Variants in NRG1 observed in about 807,000 individuals in gnomAD.
NRG1 encodes the protein neuregulin 1.
NRG1 carries 18 observed loss-of-function variants against 63.8 expected under a neutral mutation model. The ratio of observed to expected loss-of-function variants is 0.28; its 90% confidence interval spans 0.19 to 0.42. The LOEUF is 0.42. NRG1 is among the 10% of genes least tolerant of loss of function. The pLI, the probability that NRG1 is intolerant of heterozygous loss-of-function variation, is 1.00. For synonymous variants in NRG1, 302 were observed against 301.3 expected (o/e 1.00, Z -0.02); for missense variants, 762 against 814.7 (o/e 0.94, Z 0.79).
At chr8:31,873,069 A>G (rs1359499402) in intron 1 of NRG1, among the ~76,000 whole-genome samples, 1 of 152,110 alleles carries the variant, frequency 6.6e-6, no homozygotes, top group Non-Finnish European at 1.5e-5. Flanking sequence ...CTTCTTATTA[A>G]TCCTAAGGCC....
At chr8:32,280,700 T>G (rs866246319) in intron 1 of NRG1, among the ~76,000 whole-genome samples, 2,139 of 133,514 alleles carry the variant, frequency 0.016, 65 homozygotes, top group African/African-American at 0.054. Flanking sequence ...TGTTTTTTTT[T>G]TTTTTTTTTT....
intron 1 of NRG1, among the ~76,000 whole-genome samples, chr8:32,358,042 AGTATACAT>A (rs1806689466): frequency 6.6e-6 from 1 of 152,168 alleles, no homozygotes; most frequent in Non-Finnish European, 1.5e-5. Context: ...ATAAGATATA[AGTATACAT>A]GTTTGGTGAG....
intron 1 of NRG1, among the ~76,000 whole-genome samples, chr8:32,388,654 G>A (rs929534870): frequency 7.7e-5 from 2 of 25,836 alleles, no homozygotes; most frequent in Non-Finnish European, 3.0e-4. Context: ...ATTACAAGAC[G>A]GTTTTTTTTT....
intron 1 of NRG1, among the ~76,000 whole-genome samples, chr8:32,108,107 G>A (rs956399722): frequency 5.9e-5 from 9 of 152,022 alleles, no homozygotes; most frequent in African/African-American, 2.2e-4. Flanking sequence ...GAAAAAACTT[G>A]GAATTTGGTA....
intron 1 of NRG1, among the ~76,000 whole-genome samples, chr8:31,849,389 C>T (rs1044254701): frequency 5.9e-5 from 9 of 152,166 alleles, no homozygotes; most frequent in African/African-American, 9.7e-5. Flanking sequence ...GTCAAGATAT[C>T]GTGAGCACTA....
intron 1 of NRG1, among the ~76,000 whole-genome samples, chr8:32,173,576 GTGC>G (rs1840331060): frequency 6.6e-6 from 1 of 152,062 alleles, no homozygotes; most frequent in South Asian, 2.1e-4. Flanking sequence ...ACCCATCAGT[GTGC>G]TGTATTCAGG....
intron 1 of NRG1, among the ~76,000 whole-genome samples, chr8:31,807,361 T>C (rs961943283): frequency 6.6e-6 from 1 of 152,182 alleles, no homozygotes; most frequent in Admixed American, 6.5e-5. Flanking sequence ...TTTTATTGTA[T>C]GTCTTCTCTA....
rs149453806 is a variant in NRG1 at position 32,625,535 on chromosome 8, A to G, written c.502+8650A>G. Among the ~76,000 whole-genome samples the G allele has an allele frequency of 7.0e-3, 1,066 of 152,336 alleles. 13 individuals are homozygous for G. Among genetic ancestry groups the G allele is most frequent in the African/African-American group, 0.024 (994 of 41,574 alleles). On this transcript the variant is annotated intron_variant, in intron 5 of 11. Transcript: ENST00000356819. ...AGAGAGAGAATGCCTGGCTTTGTGA[A>G]ATGTTGCAGAAATTTGTATTTGTAA...
At chr8:32,447,259 G>A (rs996000092) in intron 1 of NRG1, among the ~76,000 whole-genome samples, 4 of 151,558 alleles carry the variant, frequency 2.6e-5, no homozygotes, top group East Asian at 1.9e-4. Flanking sequence ...TCCTGACCTC[G>A]TGATCCACCT....
chr8:32,621,621 A>G (rs754614738), intron 5 of NRG1, among the ~76,000 whole-genome samples: 2 of 152,222 alleles, frequency 1.3e-5, no homozygotes, highest in Non-Finnish European at 2.9e-5. Context: ...ACAAATAGTA[A>G]TAGGAAAGAA....
rs181511776 is a variant in NRG1, at chr8:32,612,272, A to G, written c.401-2242A>G. The stretch of plus-strand genomic sequence containing the variant: ...ATTACTTTCAATTTACTTTTAACAA[A>G]AGGCTGTTTTCCAAATCTATAAATT... On this transcript the variant is annotated intron_variant, in intron 3 of 11. Coordinates refer to ENST00000356819, the Ensembl canonical transcript of NRG1. Among the ~76,000 whole-genome samples the G allele has an allele frequency of 8.6e-3, 1,316 of 152,228 alleles. 4 individuals carry two copies. The highest frequency in any genetic ancestry group is 0.037 in the Middle Eastern group (11 of 294).
chr8:31,655,012 T>C (rs1038078038), intron 1 of NRG1, among the ~76,000 whole-genome samples: 3 of 152,216 alleles, frequency 2.0e-5, no homozygotes, highest in African/African-American at 7.2e-5. Flanking sequence ...ATCCCATTCC[T>C]TTCCCCTCAG....
chr8:32,487,132 C>T (rs1452756259), intron 1 of NRG1, among the ~76,000 whole-genome samples: 1 of 139,752 alleles, frequency 7.2e-6, no homozygotes, highest in Non-Finnish European at 1.5e-5. Context: ...TTTTAAATTT[C>T]TGAGTTTCCA....
At chr8:32,311,165 T>C (rs1856767035) in intron 1 of NRG1, among the ~76,000 whole-genome samples, 5 of 152,156 alleles carry the variant, frequency 3.3e-5, no homozygotes, top group African/African-American at 9.7e-5. Context: ...CAAAGACGTA[T>C]TGGATTACTA....
intron 1 of NRG1, among the ~76,000 whole-genome samples, chr8:31,788,783 T>C (rs1820417064): frequency 6.6e-6 from 1 of 152,218 alleles, no homozygotes; most frequent in Admixed American, 6.5e-5. Flanking sequence ...TAATGCCGTT[T>C]CATAGATAAG....
intron 1 of NRG1, among the ~76,000 whole-genome samples, chr8:31,885,707 G>T (rs1830667092): frequency 6.6e-6 from 1 of 152,048 alleles, no homozygotes; most frequent in African/African-American, 2.4e-5. Context: ...AGTATGTCCT[G>T]ATTTTTTGCT....
chr8:31,909,280 T>C (rs1176692025), intron 1 of NRG1, among the ~76,000 whole-genome samples: 1 of 152,208 alleles, frequency 6.6e-6, no homozygotes, highest in East Asian at 1.9e-4. Flanking sequence ...TATATCTTTT[T>C]TTAAAAATTT....
intron 5 of NRG1, chr8:32,647,888 C>G: frequency 6.2e-7 from 1 of 1,614,160 alleles, no homozygotes; most frequent in Non-Finnish European, 8.5e-7. Flanking sequence ...TGGCCGTGCC[C>G]TGCTGTGCGT....
At chr8:32,430,473 G>A (rs902404765) in intron 1 of NRG1, among the ~76,000 whole-genome samples, 15 of 152,134 alleles carry the variant, frequency 9.9e-5, no homozygotes, top group Non-Finnish European at 1.5e-4. Flanking sequence ...TTGGTGGCAC[G>A]GAGTGAGGCT....
Sources: allele counts gnomAD v4.1 joint callset (sites outside exome capture counted in the v4.1 genomes callset), GRCh38; gene constraint gnomAD v4.1.1; transcripts MANE v1.5; gene names NCBI Gene and HGNC (gene_info 2026-07-23, HGNC 2026-07-21).